COL25A1: variants seen among roughly 807,000 people sequenced by gnomAD.
COL25A1 encodes the protein collagen type XXV alpha 1 chain, also known as collagen alpha-1(XXV) chain.
Under a neutral mutation model 128.4 loss-of-function variants are expected in COL25A1, and 103 were observed. The observed-to-expected ratio is 0.80, with a 90% CI of 0.68 to 0.94. COL25A1 has a LOEUF of 0.94. COL25A1 is among the 40% of genes least tolerant of loss of function. The pLI is 0.00. For synonymous variants in COL25A1, 279 were observed against 277.2 expected, an observed-to-expected ratio of 1.01 and a Z score of -0.06; for missense variants, 745 against 840.0, an observed-to-expected ratio of 0.89 and a Z score of 1.40.
At chr4:109,232,324 C>T (rs935298747) in intron 3 of COL25A1, among the ~76,000 whole-genome samples, 3 of 146,194 alleles carry the variant, frequency 2.1e-5, no homozygotes, top group Non-Finnish European at 3.0e-5. Flanking sequence ...TAAGATAGTT[C>T]GTATTACTAT....
At chr4:109,268,735 C>T (rs939594689) in intron 3 of COL25A1, among the ~76,000 whole-genome samples, 1 of 152,068 alleles carries the variant, frequency 6.6e-6, no homozygotes, top group African/African-American at 2.4e-5. Flanking sequence ...AATCGAGATG[C>T]CTTGAGGCAC....
At chr4:109,033,424 G>T (rs1052252209) in intron 5 of COL25A1, among the ~76,000 whole-genome samples, 2 of 152,206 alleles carry the variant, frequency 1.3e-5, no homozygotes, top group African/African-American at 4.8e-5. Context: ...ATGAAATCTG[G>T]CCCCTTGTTT....
intron 6 of COL25A1, among the ~76,000 whole-genome samples, chr4:108,979,654 GAATA>G (rs1393063962): frequency 1.3e-5 from 2 of 152,180 alleles, no homozygotes; most frequent in Non-Finnish European, 2.9e-5. Context: ...TCCCAGGAAA[GAATA>G]GATAAGTTTA....
chr4:108,866,787 G>A (rs933543351), intron 20 of COL25A1, among the ~76,000 whole-genome samples: 2 of 152,060 alleles, frequency 1.3e-5, no homozygotes, highest in African/African-American at 4.8e-5. Context: ...TAACATATGT[G>A]GATTCAACAC....
intron 3 of COL25A1, among the ~76,000 whole-genome samples, chr4:109,205,478 G>C (rs1381400766): frequency 6.6e-6 from 1 of 152,100 alleles, no homozygotes; most frequent in Non-Finnish European, 1.5e-5. Context: ...GAAAAGTAAA[G>C]AGCAGGTTTC....
intron 5 of COL25A1, among the ~76,000 whole-genome samples, chr4:109,026,751 T>C (rs563378281): frequency 2.6e-5 from 4 of 152,194 alleles, no homozygotes; most frequent in South Asian, 2.1e-4. Context: ...TGGGAGGTAC[T>C]TGAAAATGTT....
intron 3 of COL25A1, among the ~76,000 whole-genome samples, chr4:109,243,826 TA>T (rs1258277085): frequency 6.6e-6 from 1 of 152,140 alleles, no homozygotes; most frequent in Non-Finnish European, 1.5e-5. Context: ...GTTGTGGTGC[TA>T]ATGGAAGGTC....
At chr4:109,095,488 T>C (rs1765318813) in intron 3 of COL25A1, among the ~76,000 whole-genome samples, 1 of 152,218 alleles carries the variant, frequency 6.6e-6, no homozygotes, top group Non-Finnish European at 1.5e-5. Flanking sequence ...GGGACTGTGG[T>C]TCTCTTTTGA....
chr4:109,283,179 T>C (rs1177955948), intron 3 of COL25A1, among the ~76,000 whole-genome samples: 2 of 152,160 alleles, frequency 1.3e-5, no homozygotes, highest in African/African-American at 4.8e-5. Flanking sequence ...ACTGAAAATA[T>C]CCCTGTGTAT....
intron 3 of COL25A1, among the ~76,000 whole-genome samples, chr4:109,278,315 TTGTC>T (rs756656306): frequency 5.3e-5 from 8 of 152,184 alleles, no homozygotes; most frequent in South Asian, 2.1e-4. Flanking sequence ...ATTATATCCT[TTGTC>T]TGGCATTCAT....
intron 26 of COL25A1, among the ~76,000 whole-genome samples, chr4:108,849,123 A>G (rs182567026): frequency 6.6e-6 from 1 of 152,316 alleles, no homozygotes; most frequent in Admixed American, 6.5e-5. Context: ...TCCTATAGCA[A>G]CAACCTATCT....
intron 3 of COL25A1, among the ~76,000 whole-genome samples, chr4:109,297,913 T>C (rs1725143830): frequency 8.6e-6 from 1 of 116,296 alleles, no homozygotes; most frequent in African/African-American, 3.4e-5. Flanking sequence ...AATTAGAACA[T>C]AGGGAAGTTC....
intron 6 of COL25A1, among the ~76,000 whole-genome samples, chr4:108,978,851 C>T (rs1752685550): frequency 6.6e-6 from 1 of 152,042 alleles, no homozygotes; most frequent in Non-Finnish European, 1.5e-5. Flanking sequence ...CTATAGAAGG[C>T]CCTTTTGGGG....
intron 3 of COL25A1, among the ~76,000 whole-genome samples, chr4:109,068,644 T>C (rs1346873927): frequency 6.6e-6 from 1 of 152,230 alleles, no homozygotes; most frequent in African/African-American, 2.4e-5. Flanking sequence ...CTGGTGCTTA[T>C]AAGCCTGGAT....
At chr4:108,967,876 C>T (rs769025894) in intron 8 of COL25A1, among the ~76,000 whole-genome samples, 14 of 152,092 alleles carry the variant, frequency 9.2e-5, no homozygotes, top group Non-Finnish European at 1.5e-4. Context: ...AAGGTAAAGT[C>T]ATAGCCTCAA....
At chr4:109,244,381 G>A (rs536734156) in intron 3 of COL25A1, among the ~76,000 whole-genome samples, 1 of 151,936 alleles carries the variant, frequency 6.6e-6, no homozygotes, top group East Asian at 1.9e-4. Flanking sequence ...CACTTTGTAG[G>A]CCTTCCTATG....
At chr4:109,077,606 A>T (rs1389570434) in intron 3 of COL25A1, among the ~76,000 whole-genome samples, 1 of 152,254 alleles carries the variant, frequency 6.6e-6, no homozygotes, top group Non-Finnish European at 1.5e-5. Flanking sequence ...AATGAACACC[A>T]GCTTCAAACA....
At chr4:109,190,585 G>GGT in intron 3 of COL25A1, among the ~76,000 whole-genome samples, 1 of 152,088 alleles carries the variant, frequency 6.6e-6, no homozygotes, top group East Asian at 1.9e-4. Context: ...ACAGTAGGTT[G>GGT]GTCAGCATCT....
At chr4:109,052,048 GGCCTCTA>G (rs1761050575) in intron 3 of COL25A1, among the ~76,000 whole-genome samples, 1 of 152,146 alleles carries the variant, frequency 6.6e-6, no homozygotes. Context: ...ATGTCTTAGA[GGCCTCTA>G]ATTATTACTT....
Sources: gnomAD v4.1 joint callset for allele counts (sites outside exome capture counted in the v4.1 genomes callset) on GRCh38, gnomAD v4.1.1 for gene constraint, MANE v1.5 for transcripts, NCBI Gene and HGNC (gene_info 2026-07-23, HGNC 2026-07-21) for gene names.